FSHR: variants seen among roughly 807,000 people sequenced by gnomAD.
FSHR encodes follicle-stimulating hormone receptor.
Under a neutral mutation model 52.1 loss-of-function variants are expected in FSHR, and 46 were observed. The ratio of observed to expected loss-of-function variants is 0.88; its 90% CI spans 0.70 to 1.13. The LOEUF (loss-of-function observed/expected upper bound fraction) is 1.13. FSHR is among the 50% of genes most tolerant of loss of function. The pLI is 0.00. For synonymous variants in FSHR, 399 were observed against 309.6 expected, an observed-to-expected ratio of 1.29 and a Z score of -3.03; for missense variants, 964 against 834.6, an observed-to-expected ratio of 1.16 and a Z score of -1.91.
intron 1 of FSHR, among the ~76,000 whole-genome samples, chr2:49,087,074 T>A (rs1025343452): frequency 2.9e-5 from 4 of 136,510 alleles, no homozygotes; most frequent in African/African-American, 1.2e-4. Flanking sequence ...GGCAGGGTTT[T>A]TTTTTTTTTT....
intron 1 of FSHR, among the ~76,000 whole-genome samples, chr2:49,137,106 G>A (rs555336075): frequency 6.6e-5 from 10 of 152,198 alleles, no homozygotes; most frequent in Non-Finnish European, 1.2e-4. Flanking sequence ...TATATGGAAA[G>A]TCCTATGGAA....
intron 2 of FSHR, among the ~76,000 whole-genome samples, chr2:49,022,563 G>A (rs1667765461): frequency 6.6e-6 from 1 of 152,142 alleles, no homozygotes; most frequent in African/African-American, 2.4e-5. Flanking sequence ...TACATACTCT[G>A]TAATCCTTTT....
rs1233044588 is a variant in FSHR, at chr2:49,154,361, A to T, written c.57T>A (p.His19Gln). 6.2e-7 allele frequency: 1 copy of T among 1,613,602 alleles called. No individual in the cohort carries two copies. The highest frequency in any genetic ancestry group is 1.3e-5 in the African/African-American group (1 of 75,014). The change falls in exon 1 of 10, where the codon CAT becomes CAA. Residue 19 changes from histidine (H) to glutamine (Q), a missense_variant. Transcript: ENST00000406846. ...LAFLSLGSGC[H>Q]HRICHCSNRV... ...TGTTAGAGCAGTGACAGATCCGATG[A>T]TGACATCCTGAGCCCAAGCTCAGGA...
At chr2:49,114,718 C>T (rs964306254) in intron 1 of FSHR, among the ~76,000 whole-genome samples, 1 of 151,994 alleles carries the variant, frequency 6.6e-6, no homozygotes, top group African/African-American at 2.4e-5. Flanking sequence ...ATTGAAGATG[C>T]CAGAAGTTGG....
At chr2:49,101,769 G>T (rs1010571044) in intron 1 of FSHR, among the ~76,000 whole-genome samples, 3 of 152,122 alleles carry the variant, frequency 2.0e-5, no homozygotes, top group East Asian at 1.9e-4. Context: ...ATAAAGAAAA[G>T]AAATTTACTT....
chr2:48,963,696 C>A lies in FSHR; in HGVS notation c.1125G>T (p.Leu375=), dbSNP rs755003829. 6.2e-7 allele frequency: 1 copy of A among 1,614,048 alleles called. No homozygotes were observed. The stretch of plus-strand genomic sequence containing the variant: ...GCACTATGATGTTCCCAGTGATGGC[C>A]AGGATGCTGATAAACCATATCAGGA... The part of the protein sequence containing the change: ...LRVLIWFISI[L]AITGNIIVLV... The change falls in exon 10 of 10, where the codon CTG becomes CTT. Residue 375 remains leucine (L), a synonymous_variant. Transcript: ENST00000406846.
At chr2:49,150,800 C>T (rs1033352020) in intron 1 of FSHR, among the ~76,000 whole-genome samples, 1 of 151,980 alleles carries the variant, frequency 6.6e-6, no homozygotes, top group African/African-American at 2.4e-5. Context: ...TAATACTTAA[C>T]CCACTCTCTC....
intron 8 of FSHR, among the ~76,000 whole-genome samples, chr2:48,980,126 G>T (rs1223965246): frequency 2.0e-5 from 3 of 152,178 alleles, no homozygotes; most frequent in Admixed American, 1.3e-4. Flanking sequence ...CCAGAAAGGG[G>T]GGCTTGATGT....
At chr2:49,023,032 T>A (rs551601595) in intron 2 of FSHR, among the ~76,000 whole-genome samples, 56 of 152,278 alleles carry the variant, frequency 3.7e-4, no homozygotes, top group Non-Finnish European at 2.9e-4. Context: ...GAAATAGTAA[T>A]AATATGCTAC....
At chr2:49,090,329 T>A (rs1452899257) in intron 1 of FSHR, among the ~76,000 whole-genome samples, 1 of 152,220 alleles carries the variant, frequency 6.6e-6, no homozygotes, top group East Asian at 1.9e-4. Flanking sequence ...TCTGTTACTA[T>A]AACTTTGTCT....
chr2:49,080,926 G>A (rs913503465), intron 1 of FSHR, among the ~76,000 whole-genome samples: 2 of 152,058 alleles, frequency 1.3e-5, no homozygotes, highest in African/African-American at 4.8e-5. Context: ...TGACAACTAG[G>A]GACATCCACT....
At chr2:49,014,420 C>T (rs540796035) in intron 4 of FSHR, among the ~76,000 whole-genome samples, 1 of 152,206 alleles carries the variant, frequency 6.6e-6, no homozygotes, top group East Asian at 1.9e-4. Flanking sequence ...GACTTAGTGG[C>T]AGGTGGCACA....
chr2:49,105,912 C>G (rs947417929), intron 1 of FSHR, among the ~76,000 whole-genome samples: 1 of 152,244 alleles, frequency 6.6e-6, no homozygotes. Context: ...TCTCCTCATC[C>G]CTCCCAATCA....
In FSHR at chr2:48,962,675, C is replaced by A; in HGVS notation, c.*58G>T. 6.5e-7 allele frequency: 1 copy of A among 1,533,520 alleles called. No individual in the cohort carries two copies. Among genetic ancestry groups the A allele is most frequent in the South Asian group, 1.1e-5 (1 of 89,016 alleles). 95.0% of individuals were successfully genotyped at this position (1,533,520 alleles called of 1,614,324 possible). A position where few individuals can be genotyped will look rare whatever the true frequency, so the allele number is the denominator to read the frequency against. On this transcript the variant is annotated 3_prime_UTR_variant, in exon 10 of 10. Coordinates refer to ENST00000406846, the MANE Select transcript of FSHR (RefSeq NM_000145.4). ...GCACTGTCAGCTCTTTGTGACATAC[C>A]CTTCAAAGGCAAGACTGAATTATCA...
chr2:49,002,610 T>G (rs1223668408), intron 4 of FSHR, among the ~76,000 whole-genome samples: 1 of 152,036 alleles, frequency 6.6e-6, no homozygotes. Context: ...CATCAGATAT[T>G]GTGAGAACTC....
In FSHR at chr2:49,029,317, G is replaced by A. The variant is rs147567327; in HGVS notation, c.225-9157C>T. ...TTTTATTCCCTTTTTCAACTGTTTCGTGAAAAAACAACAACAAAACTTGGC... is the reference window on the plus strand; with the variant it reads ...TTTTATTCCCTTTTTCAACTGTTTCATGAAAAAACAACAACAAAACTTGGC... On this transcript the variant is annotated intron_variant, in intron 2 of 9. Transcript: ENST00000406846. Among the ~76,000 whole-genome samples the A allele has an allele frequency of 6.2e-4, 95 of 152,024 alleles. No homozygotes were observed. In the East Asian group the frequency reaches 0.013, roughly 21 times the overall value.
intron 1 of FSHR, among the ~76,000 whole-genome samples, 156 bp from the exon 2 acceptor site, chr2:49,068,446 A>G (rs1037000354): frequency 6.6e-6 from 1 of 152,064 alleles, no homozygotes; most frequent in East Asian, 1.9e-4. Flanking sequence ...CATCCTGTCT[A>G]CAACTAGTGA....
chr2:48,976,684 T>C (rs1675005713), intron 8 of FSHR, among the ~76,000 whole-genome samples: 1 of 152,200 alleles, frequency 6.6e-6, no homozygotes, highest in Non-Finnish European at 1.5e-5. Context: ...TATTCAGGGA[T>C]TCATCTTCTT....
intron 1 of FSHR, among the ~76,000 whole-genome samples, chr2:49,081,034 T>C (rs994758268): frequency 2.0e-5 from 3 of 152,116 alleles, no homozygotes; most frequent in African/African-American, 7.2e-5. Flanking sequence ...CAATAAGAGT[T>C]TTATCCACAT....
Sources: gnomAD v4.1 joint callset for allele counts (sites outside exome capture counted in the v4.1 genomes callset) on GRCh38, gnomAD v4.1.1 for gene constraint, MANE v1.5 for transcripts, NCBI Gene and HGNC (gene_info 2026-07-23, HGNC 2026-07-21) for gene names.